The following SDC2 variants were observed in gnomAD, a reference collection of about 807,000 sequenced individuals.
SDC2 encodes the protein syndecan-2.
A neutral mutation model predicts 22.2 loss-of-function variants in SDC2; 13 were observed. That is an observed-to-expected ratio of 0.59 (90% CI 0.38 to 0.93). The LOEUF (loss-of-function observed/expected upper bound fraction) is 0.93. SDC2 is among the 40% of genes least tolerant of loss of function. SDC2 has a pLI of 0.00. For missense variants in SDC2, 235 were observed against 246.8 expected, an observed-to-expected ratio of 0.95 and a Z score of 0.32; for synonymous variants, 94 against 92.8, an observed-to-expected ratio of 1.01 and a Z score of -0.07.
chr8:96,608,572 C>A, intron 4 of SDC2, 102 bp downstream of exon 4: 1 of 1,074,458 alleles, frequency 9.3e-7, no homozygotes, highest in Non-Finnish European at 1.3e-6. Flanking sequence ...CATCTTTCTG[C>A]TGAAAGCAGT....
At chr8:96,523,840 A>G (rs537562276) in intron 1 of SDC2, among the ~76,000 whole-genome samples, 3 of 152,330 alleles carry the variant, frequency 2.0e-5, no homozygotes, top group African/African-American at 7.2e-5. Context: ...TTCCCTTAAA[A>G]TATCATACAG....
rs1813436435 is a variant in SDC2, at chr8:96,518,197, A to G, written c.60+23866A>G. 2.0e-5 allele frequency among the ~76,000 whole-genome samples: 3 copies of G among 152,096 alleles called. No homozygotes were observed. The South Asian group carries it at 6.2e-4, about 32-fold the overall frequency. ...TCGAAGTTTTGTTTCGCTTCATGGT[A>G]TAAAAAGCCTAGTCATGTGATCTTT... On this transcript the variant is annotated intron_variant, in intron 1 of 4. Coordinates refer to ENST00000302190, the MANE Select transcript of SDC2 (RefSeq NM_002998.4).
intron 1 of SDC2, among the ~76,000 whole-genome samples, chr8:96,546,833 C>A (rs1444736750): frequency 6.6e-6 from 1 of 152,332 alleles, no homozygotes; most frequent in Non-Finnish European, 1.5e-5. Context: ...GCACTCTAAC[C>A]ATGCTTCAGT....
At chr8:96,565,084 ATTTTTTT>A (rs11304418) in intron 1 of SDC2, among the ~76,000 whole-genome samples, 1 of 67,800 alleles carries the variant, frequency 1.5e-5, no homozygotes, top group Non-Finnish European at 2.9e-5. Flanking sequence ...CCTAAATTTG[ATTTTTTT>A]TTTTTTTTGT....
intron 1 of SDC2, among the ~76,000 whole-genome samples, chr8:96,519,770 A>G (rs1019903723): frequency 7.2e-5 from 11 of 151,802 alleles, no homozygotes; most frequent in Non-Finnish European, 1.3e-4. Flanking sequence ...TGTAGCTGGG[A>G]TTACAGGCGC....
chr8:96,608,504 G>A, intron 4 of SDC2, 34 bp downstream of exon 4: 5 of 1,574,114 alleles, frequency 3.2e-6, no homozygotes, highest in Non-Finnish European at 3.5e-6. Flanking sequence ...GTGGGAGGGT[G>A]CCTACATAGG....
chr8:96,566,560 TA>T (rs1814302174), intron 1 of SDC2, among the ~76,000 whole-genome samples: 1 of 152,128 alleles, frequency 6.6e-6, no homozygotes, highest in African/African-American at 2.4e-5. Flanking sequence ...CTCTCATACT[TA>T]TTAGTTTTAT....
intron 1 of SDC2, among the ~76,000 whole-genome samples, chr8:96,564,250 G>A (rs1814258849): frequency 6.6e-6 from 1 of 152,170 alleles, no homozygotes; most frequent in Non-Finnish European, 1.5e-5. Flanking sequence ...CATTAGTGTT[G>A]GCGGGGAAAG....
chr8:96,576,680 A>G (rs1246737282), intron 1 of SDC2, among the ~76,000 whole-genome samples: 2 of 150,316 alleles, frequency 1.3e-5, no homozygotes, highest in Non-Finnish European at 3.0e-5. Context: ...CGGCCTCCCA[A>G]AGTGTTGGGA....
chr8:96,508,261 A>G (rs1813273663), intron 1 of SDC2, among the ~76,000 whole-genome samples: 1 of 150,980 alleles, frequency 6.6e-6, no homozygotes, highest in South Asian at 2.1e-4. Flanking sequence ...GCGCCACTGC[A>G]CTCCAGCCTG....
intron 1 of SDC2, among the ~76,000 whole-genome samples, chr8:96,561,780 G>A (rs1586300851): frequency 6.6e-6 from 1 of 152,166 alleles, no homozygotes; most frequent in Non-Finnish European, 1.5e-5. Flanking sequence ...CAGAGGTGCT[G>A]GAAAGGGGAG....
intron 1 of SDC2, among the ~76,000 whole-genome samples, chr8:96,590,838 C>T (rs1195363947): frequency 1.3e-5 from 2 of 152,176 alleles, no homozygotes; most frequent in Non-Finnish European, 2.9e-5. Context: ...GAGAAACACA[C>T]TTTTGGCTGC....
At chr8:96,496,120 A>G (rs1461163880) in intron 1 of SDC2, among the ~76,000 whole-genome samples, 1 of 151,710 alleles carries the variant, frequency 6.6e-6, no homozygotes, top group Non-Finnish European at 1.5e-5. Flanking sequence ...TTTTTTGCTG[A>G]GTCTTATTCA....
In SDC2 at chr8:96,562,015, A is replaced by G. The variant is rs150018000; in HGVS notation, c.61-31465A>G. The stretch of plus-strand genomic sequence containing the variant: ...AATTATAATGCAGTCTAGCTTATCA[A>G]TTATTTCTCCTGTGGATCATGTGTT... On this transcript the variant is annotated intron_variant, in intron 1 of 4. Coordinates refer to ENST00000302190, the MANE Select transcript of SDC2 (RefSeq NM_002998.4). Among the ~76,000 whole-genome samples the G allele has an allele frequency of 1.4e-4, 22 of 152,256 alleles. No individual in the cohort carries two copies. The East Asian group carries it at 2.9e-3, about 20-fold the overall frequency.
intron 1 of SDC2, among the ~76,000 whole-genome samples, chr8:96,552,045 A>C (rs1814036410): frequency 6.6e-6 from 1 of 152,166 alleles, no homozygotes; most frequent in Non-Finnish European, 1.5e-5. Flanking sequence ...AGCAAGTAAC[A>C]CATCACTTAG....
At chr8:96,590,623 A>AG (rs201520969) in intron 1 of SDC2, among the ~76,000 whole-genome samples, 1 of 151,828 alleles carries the variant, frequency 6.6e-6, no homozygotes, top group African/African-American at 2.4e-5. Flanking sequence ...TCATGAGCGC[A>AG]GGGGTTTTTT....
intron 1 of SDC2, among the ~76,000 whole-genome samples, chr8:96,524,734 C>T (rs114748469): frequency 0.023 from 3,474 of 152,262 alleles, 125 homozygotes; most frequent in African/African-American, 0.08. Context: ...ATTCCTCCTC[C>T]TTTTTTCTCC....
At chr8:96,559,753 T>C (rs1814176752) in intron 1 of SDC2, among the ~76,000 whole-genome samples, 1 of 152,218 alleles carries the variant, frequency 6.6e-6, no homozygotes, top group African/African-American at 2.4e-5. Flanking sequence ...CAAGAATTCT[T>C]CAGCAGAATT....
intron 1 of SDC2, among the ~76,000 whole-genome samples, chr8:96,530,532 G>T (rs1813644462): frequency 6.6e-6 from 1 of 152,148 alleles, no homozygotes; most frequent in Non-Finnish European, 1.5e-5. Context: ...TACTTGGGAG[G>T]CTGAGGCAGG....
Sources: gnomAD v4.1 joint callset for allele counts (sites outside exome capture counted in the v4.1 genomes callset) on GRCh38, gnomAD v4.1.1 for gene constraint, MANE v1.5 for transcripts, NCBI Gene and HGNC (gene_info 2026-07-23, HGNC 2026-07-21) for gene names.